SP140L: variants seen among roughly 807,000 people sequenced by gnomAD.
SP140L encodes the protein nuclear body protein SP140-like protein.
A neutral mutation model predicts 84.3 loss-of-function variants in SP140L; 64 were observed. The ratio of observed to expected loss-of-function variants is 0.76; its 90% confidence interval spans 0.62 to 0.94. SP140L has a LOEUF of 0.94. Among genes scored for constraint, SP140L ranks in the 40% least tolerant of loss-of-function variants. The pLI is 0.00. For missense variants in SP140L, 628 were observed against 692.5 expected (o/e 0.91, Z 1.05); for synonymous variants, 242 against 236.9 (o/e 1.02, Z -0.20).
chr2:230,334,713 A>ATG (rs36120900), intron 2 of SP140L, among the ~76,000 whole-genome samples: 20,069 of 151,504 alleles, frequency 0.13, 1,504 homozygotes, highest in African/African-American at 0.2. Context: ...TTAAAATTAT[A>ATG]TGTATATATA....
chr2:230,383,638 C>A, intron 8 of SP140L, 63 bp downstream of exon 8: 1 of 1,498,306 alleles, frequency 6.7e-7, no homozygotes, highest in South Asian at 1.2e-5. Flanking sequence ...CCATTGTATT[C>A]TGGAAGGCCT....
intron 2 of SP140L, among the ~76,000 whole-genome samples, chr2:230,332,846 C>T (rs1448470808): frequency 2.0e-5 from 3 of 152,194 alleles, no homozygotes; most frequent in Non-Finnish European, 4.4e-5. Context: ...CCAATTAGTT[C>T]TGGTTAGTTT....
At chr2:230,359,232 G>A in intron 4 of SP140L, 100 bp downstream of exon 4, 3 of 1,062,360 alleles carry the variant, frequency 2.8e-6, no homozygotes, top group Non-Finnish European at 4.2e-6. Context: ...GTGTTGGGCA[G>A]TGGGCATAGA....
At chr2:230,342,750 C>T (rs1167190982) in intron 2 of SP140L, among the ~76,000 whole-genome samples, 1 of 152,130 alleles carries the variant, frequency 6.6e-6, no homozygotes, top group African/African-American at 2.4e-5. Context: ...TTTCCTGTCT[C>T]ATTTATAAGT....
At chr2:230,396,602 G>T (rs2062059931) in intron 13 of SP140L, among the ~76,000 whole-genome samples, 155 bp from the exon 14 acceptor site, 1 of 152,212 alleles carries the variant, frequency 6.6e-6, no homozygotes. Context: ...TAAAGCACTG[G>T]AGCCACCCCA....
At chr2:230,396,885 A>C (rs2149823316) in intron 14 of SP140L, 87 bp downstream of exon 14, 1 of 1,517,420 alleles carries the variant, frequency 6.6e-7, no homozygotes, top group East Asian at 2.3e-5. Flanking sequence ...CTGTTGCCTG[A>C]AGCATGTTCA....
intron 9 of SP140L, among the ~76,000 whole-genome samples, chr2:230,388,210 A>G (rs753717076): frequency 1.3e-5 from 2 of 152,146 alleles, no homozygotes; most frequent in East Asian, 3.8e-4. Context: ...TATATGCCAT[A>G]TATATATTTC....
chr2:230,367,295 C>CTTTTTTTTTTTTTTT (rs200306286), intron 5 of SP140L, among the ~76,000 whole-genome samples: 8 of 118,050 alleles, frequency 6.8e-5, no homozygotes, highest in East Asian at 2.4e-4. Flanking sequence ...TCTTTTTTTT[C>CTTTTTTTTTTTTTTT]TTTTTTTTTT....
intron 2 of SP140L, among the ~76,000 whole-genome samples, chr2:230,345,136 C>G (rs2060171407): frequency 6.6e-6 from 1 of 152,178 alleles, no homozygotes; most frequent in African/African-American, 2.4e-5. Flanking sequence ...GTTTCTTCCT[C>G]CTTTCAGATT....
intron 2 of SP140L, among the ~76,000 whole-genome samples, chr2:230,347,249 C>T (rs2060235563): frequency 6.6e-6 from 1 of 152,120 alleles, no homozygotes. Flanking sequence ...TGAGATGGAA[C>T]AAGACCTCAA....
chr2:230,330,368 C>T (rs1365730520), intron 2 of SP140L, among the ~76,000 whole-genome samples: 1 of 152,192 alleles, frequency 6.6e-6, no homozygotes, highest in Non-Finnish European at 1.5e-5. Flanking sequence ...CCTGTAAGAG[C>T]CTCTTCTTAT....
intron 2 of SP140L, among the ~76,000 whole-genome samples, chr2:230,343,831 T>C (rs909184669): frequency 6.6e-6 from 1 of 152,230 alleles, no homozygotes; most frequent in African/African-American, 2.4e-5. Flanking sequence ...GAACTCATCC[T>C]TTTTTATGGC....
intron 4 of SP140L, 88 bp downstream of exon 4, chr2:230,359,220 TTG>T: frequency 8.3e-7 from 1 of 1,201,720 alleles, no homozygotes; most frequent in South Asian, 1.3e-5. Context: ...GTGCGATACA[TTG>T]TGTTGGGCAG....
intron 2 of SP140L, among the ~76,000 whole-genome samples, chr2:230,356,174 T>C (rs1466936641): frequency 6.6e-6 from 1 of 152,174 alleles, no homozygotes; most frequent in Non-Finnish European, 1.5e-5. Context: ...ACTGGTAGTC[T>C]TTGCAAAAAC....
chr2:230,380,904 T>A (rs1175516818), intron 7 of SP140L, among the ~76,000 whole-genome samples: 1 of 152,168 alleles, frequency 6.6e-6, no homozygotes, highest in Admixed American at 6.5e-5. Flanking sequence ...TATTTTCAGT[T>A]TTTTGCTATT....
intron 14 of SP140L, among the ~76,000 whole-genome samples, chr2:230,399,445 G>T (rs1298755033): frequency 2.0e-5 from 3 of 152,150 alleles, no homozygotes; most frequent in Admixed American, 2.0e-4. Flanking sequence ...CTGTTACCAT[G>T]GTCCTTGGTC....
intron 2 of SP140L, among the ~76,000 whole-genome samples, chr2:230,357,341 A>G (rs2060578929): frequency 6.6e-6 from 1 of 152,190 alleles, no homozygotes; most frequent in African/African-American, 2.4e-5. Context: ...TTTCCTTCCT[A>G]GCAGCTACAG....
chr2:230,396,053 G>T (rs1335921300), intron 13 of SP140L, among the ~76,000 whole-genome samples: 1 of 152,172 alleles, frequency 6.6e-6, no homozygotes, highest in Non-Finnish European at 1.5e-5. Flanking sequence ...AGGCTGTGGG[G>T]GATAAATTCT....
chr2:230,396,064 C>T (rs565062438), intron 13 of SP140L, among the ~76,000 whole-genome samples: 3 of 152,218 alleles, frequency 2.0e-5, no homozygotes, highest in Non-Finnish European at 4.4e-5. Context: ...GATAAATTCT[C>T]AGCCTGATTA....
Sources: allele counts gnomAD v4.1 joint callset (sites outside exome capture counted in the v4.1 genomes callset), GRCh38; gene constraint gnomAD v4.1.1; transcripts MANE v1.5; gene names NCBI Gene and HGNC (gene_info 2026-07-23, HGNC 2026-07-21).